The following SRP19 variants were observed in gnomAD, a reference collection of about 807,000 sequenced individuals.
The protein encoded by SRP19 is signal recognition particle 19 kDa protein.
SRP19 carries 11 observed loss-of-function variants against 22.4 expected under a neutral mutation model. The observed-to-expected ratio is 0.49, with a 90% CI of 0.31 to 0.81. The LOEUF is 0.81. SRP19 is among the 40% of genes least tolerant of loss of function. The pLI is 0.05. For missense variants in SRP19, 168 were observed against 175.9 expected (o/e 0.96, Z 0.25); for synonymous variants, 61 against 57.6 (o/e 1.06, Z -0.27).
At chr5:112,863,587 T>G (rs1471290061) in intron 2 of SRP19, among the ~76,000 whole-genome samples, 1 of 152,170 alleles carries the variant, frequency 6.6e-6, no homozygotes, top group Non-Finnish European at 1.5e-5. Flanking sequence ...GGACAGAATT[T>G]CCCTGCTCAA....
chr5:112,873,254 T>A (rs1051017448), downstream of SRP19, among the ~76,000 whole-genome samples: 3 of 148,876 alleles, frequency 2.0e-5, no homozygotes, highest in Non-Finnish European at 4.5e-5. Context: ...GACCTGCTGG[T>A]CTGATCCTCA....
intron 4 of SRP19, among the ~76,000 whole-genome samples, chr5:112,879,403 C>T (rs1241888556): frequency 2.0e-5 from 3 of 152,056 alleles, no homozygotes; most frequent in Admixed American, 2.0e-4. Flanking sequence ...TCTGTGAGTG[C>T]TCAAGCCCTT....
intron 4 of SRP19, among the ~76,000 whole-genome samples, chr5:112,886,658 T>C (rs1265816128): frequency 2.6e-5 from 4 of 152,212 alleles, no homozygotes; most frequent in African/African-American, 9.6e-5. Flanking sequence ...TCTCCATTTA[T>C]TTAAAACTAC....
chr5:112,864,940 A>G (rs1378174721), intron 4 of SRP19: 1 of 383,406 alleles, frequency 2.6e-6, no homozygotes, highest in Non-Finnish European at 4.6e-6. Flanking sequence ...CCCACTAAAC[A>G]TTTTTCAAAA....
downstream of SRP19, among the ~76,000 whole-genome samples, chr5:112,872,232 C>T (rs114769745): frequency 0.011 from 1,657 of 151,954 alleles, 24 homozygotes; most frequent in Non-Finnish European, 0.013. Context: ...GGACCAGCAG[C>T]ACTGGCCTCT....
chr5:112,892,546 C>A (rs779846186), exon 5 of SRP19: 1 of 1,614,192 alleles, frequency 6.2e-7, no homozygotes, highest in Non-Finnish European at 8.5e-7. Context: ...ACGACAGCTG[C>A]AATGTGAATT....
chr5:112,873,266 G>GTTTT, downstream of SRP19, among the ~76,000 whole-genome samples: 1 of 32,906 alleles, frequency 3.0e-5, no homozygotes, highest in East Asian at 1.5e-3. Flanking sequence ...TGATCCTCAG[G>GTTTT]TTTTCTTTTT....
At chr5:112,883,893 C>T (rs1203648607) in intron 4 of SRP19, among the ~76,000 whole-genome samples, 1 of 152,130 alleles carries the variant, frequency 6.6e-6, no homozygotes, top group Non-Finnish European at 1.5e-5. Flanking sequence ...TTGTCCTTAA[C>T]CCCTCTGACC....
intron 4 of SRP19, among the ~76,000 whole-genome samples, chr5:112,888,902 A>ATATCT (rs1768345602): frequency 6.6e-6 from 1 of 150,776 alleles, no homozygotes. Context: ...TGTGGAAAGG[A>ATATCT]CAGGGTGAGA....
rs532659191 is a variant in SRP19, at chr5:112,869,515, T to A, written c.*1978T>A. 19 of 152,318 alleles carry A rather than the reference T, an allele frequency of 1.2e-4. No individual in the cohort carries two copies. Among genetic ancestry groups the A allele is most frequent in the African/African-American group, 4.3e-4 (18 of 41,536 alleles). 9.4% of individuals were successfully genotyped at this position (152,318 alleles called of 1,614,324 possible). On this transcript the variant is annotated 3_prime_UTR_variant, in exon 5 of 5. Transcript: ENST00000505459. ...TTGGGGAATACATTCCAAGAGTGGATCCCTGAAACAGCAGATAGTACTGAA... is the reference window on the plus strand; with the variant it reads ...TTGGGGAATACATTCCAAGAGTGGAACCCTGAAACAGCAGATAGTACTGAA...
chr5:112,870,074 T>C (rs1168898696), downstream of SRP19, among the ~76,000 whole-genome samples: 1 of 152,204 alleles, frequency 6.6e-6, no homozygotes, highest in Admixed American at 6.5e-5. Flanking sequence ...TATTGTGCTA[T>C]ACTCACCTGT....
chr5:112,861,289 G>C lies in SRP19; in HGVS notation c.-88G>C. The C allele has an allele frequency of 2.7e-6, 4 of 1,484,178 alleles. No individual in the cohort carries two copies. Among genetic ancestry groups the C allele is most frequent in the East Asian group, 2.3e-5 (1 of 44,224 alleles). 91.9% of individuals were successfully genotyped at this position (1,484,178 alleles called of 1,614,324 possible). A position where few individuals can be genotyped will look rare whatever the true frequency, so the allele number is the denominator to read the frequency against. On this transcript the variant is annotated 5_prime_UTR_variant, in exon 1 of 5. Coordinates refer to ENST00000505459, the MANE Select transcript of SRP19 (RefSeq NM_003135.3). The stretch of plus-strand genomic sequence containing the variant: ...GGCAGGACTTCCGGCGGAAAAGCGG[G>C]CTGTCTCGGAAACTCAGAGCCGGGT...
chr5:112,882,284 T>C (rs1768102887), intron 4 of SRP19, among the ~76,000 whole-genome samples: 1 of 152,090 alleles, frequency 6.6e-6, no homozygotes. Flanking sequence ...TCACCTTTTA[T>C]CTTTGTAGTG....
downstream of SRP19, chr5:112,893,447 C>G (rs1229358486): frequency 5.7e-6 from 1 of 174,364 alleles, no homozygotes; most frequent in African/African-American, 2.4e-5. Flanking sequence ...ACTACACAGC[C>G]TGCTTTCCAT....
intron 4 of SRP19, among the ~76,000 whole-genome samples, chr5:112,884,432 G>A (rs1270672450): frequency 6.6e-6 from 1 of 151,230 alleles, no homozygotes; most frequent in Non-Finnish European, 1.5e-5. Context: ...TTGTAACCCA[G>A]GCTAGAGTGG....
At chr5:112,888,779 G>A (rs1768341875) in intron 4 of SRP19, among the ~76,000 whole-genome samples, 1 of 150,848 alleles carries the variant, frequency 6.6e-6, no homozygotes, top group Admixed American at 6.6e-5. Flanking sequence ...CCAGTGACTT[G>A]GGAGGCCAAG....
At chr5:112,895,470 C>T (rs1768653500), downstream of SRP19, 1 of 137,900 alleles carries the variant, frequency 7.3e-6, no homozygotes, top group South Asian at 2.2e-4. Context: ...GCAATCCAGA[C>T]AAGCTTATTA....
At chr5:112,889,825 A>T (rs1472211408) in intron 4 of SRP19, among the ~76,000 whole-genome samples, 1 of 131,888 alleles carries the variant, frequency 7.6e-6, no homozygotes, top group Admixed American at 7.4e-5. Flanking sequence ...CTAGGAAAAA[A>T]AAAATTTTTT....
chr5:112,892,461 T>C (rs1768504258), exon 5 of SRP19: 1 of 1,613,936 alleles, frequency 6.2e-7, no homozygotes, highest in Non-Finnish European at 8.5e-7. Flanking sequence ...TGAGGGGCAA[T>C]GTATATGTTC....
Sources: allele counts gnomAD v4.1 joint callset (sites outside exome capture counted in the v4.1 genomes callset), GRCh38; gene constraint gnomAD v4.1.1; transcripts MANE v1.5; gene names NCBI Gene and HGNC (gene_info 2026-07-23, HGNC 2026-07-21).